Variants in PTPN14 observed in about 807,000 individuals in gnomAD.
PTPN14 encodes the protein tyrosine-protein phosphatase non-receptor type 14.
In PTPN14, 53 loss-of-function variants were observed where a neutral mutation model predicts 126.8. The observed-to-expected ratio is 0.42, with a 90% CI of 0.34 to 0.53. PTPN14 has a LOEUF of 0.53. PTPN14 is among the 20% of genes least tolerant of loss of function. The probability of loss-of-function intolerance (pLI) is 0.08; values close to 1 mark genes in which losing one functional copy is unlikely to be tolerated. For synonymous variants in PTPN14, 630 were observed against 599.3 expected (o/e 1.05, Z -0.75); for missense variants, 1,257 against 1,552.9 (o/e 0.81, Z 3.20).
chr1:214,364,806 TTTTAA>T lies in PTPN14; in HGVS notation c.3272-136_3272-132del. On this transcript the variant is annotated intron_variant, in intron 17 of 18. Coordinates refer to ENST00000366956, the MANE Select transcript of PTPN14 (RefSeq NM_005401.5). The surrounding 1 kb of genome is among the most constrained non-coding windows in gnomAD (Gnocchi z 4.1). ...GTGTGTGTGTGTGTGTGTGTGTGTG[TTTTAA>T]GTGACAATAATTTATAGTTCTTACA... 1.2e-6 allele frequency: 1 copy of T among 858,942 alleles called. No homozygotes were observed. The highest frequency in any genetic ancestry group is 1.7e-6 in the Non-Finnish European group (1 of 575,866). 53.2% of individuals were successfully genotyped at this position (858,942 alleles called of 1,614,324 possible).
At chr1:214,513,367 C>A (rs930914829) in intron 1 of PTPN14, among the ~76,000 whole-genome samples, 4 of 151,970 alleles carry the variant, frequency 2.6e-5, no homozygotes, top group African/African-American at 9.7e-5. Context: ...GCTCAGTGTT[C>A]TTTAAAAATT....
intron 1 of PTPN14, among the ~76,000 whole-genome samples, chr1:214,521,663 C>T (rs1038041973): frequency 2.6e-5 from 4 of 151,952 alleles, no homozygotes; most frequent in South Asian, 2.1e-4. Flanking sequence ...TGCAGTGAGC[C>T]GAGATAGCGC....
chr1:214,530,337 C>CTTTTTTTTTTTTTT (rs1219471589), intron 1 of PTPN14: 1 of 129,082 alleles, frequency 7.7e-6, no homozygotes, highest in African/African-American at 3.0e-5. Flanking sequence ...CTTTTCTTTT[C>CTTTTTTTTTTTTTT]TTTTTTTTTT....
intron 2 of PTPN14, among the ~76,000 whole-genome samples, chr1:214,459,522 T>C (rs1200585583): frequency 1.4e-5 from 2 of 138,670 alleles, no homozygotes; most frequent in Non-Finnish European, 3.0e-5. Context: ...CAAGCTGGAG[T>C]GCAGTGGCGC....
intron 18 of PTPN14, among the ~76,000 whole-genome samples, chr1:214,359,217 CTTTT>C (rs1055472030): frequency 7.1e-6 from 1 of 141,102 alleles, no homozygotes; most frequent in Non-Finnish European, 1.6e-5. Context: ...CACTTTTTTT[CTTTT>C]TTTTTTTTTT....
intron 14 of PTPN14, 31 bp downstream of exon 14, chr1:214,377,928 A>G: frequency 6.2e-7 from 1 of 1,602,160 alleles, no homozygotes; most frequent in Middle Eastern, 1.7e-4. Flanking sequence ...GACTACAGAG[A>G]ATGAGTCACA....
rs1400765231 is a variant in PTPN14 at position 214,383,260 on chromosome 1, G to A, written c.2544+51C>T. 1.3e-6 allele frequency: 2 copies of A among 1,573,314 alleles called. No individual in the cohort carries two copies. The highest frequency in any genetic ancestry group is 2.7e-5 in the African/African-American group (2 of 74,144). On this transcript the variant is annotated intron_variant, in intron 13 of 18. Transcript: ENST00000366956. This position sits in a 1 kb window ranked among gnomAD's most constrained non-coding sequence, Gnocchi z 4.4. ...AAGCCCTGCCCCTTGCTCAGTGCCT[G>A]AAGCATGTGCTTTCACACTGGAAAA...
chr1:214,404,066 T>C (rs1301817746), intron 5 of PTPN14, among the ~76,000 whole-genome samples: 1 of 152,194 alleles, frequency 6.6e-6, no homozygotes, highest in Non-Finnish European at 1.5e-5. Context: ...GATTCTAAAA[T>C]ACCACTTATA....
intron 3 of PTPN14, among the ~76,000 whole-genome samples, chr1:214,418,425 C>G (rs1659472763): frequency 1.3e-5 from 2 of 152,210 alleles, no homozygotes; most frequent in African/African-American, 4.8e-5. Context: ...GAGAAGGCAA[C>G]TGTGTTGAGG....
intron 1 of PTPN14, among the ~76,000 whole-genome samples, chr1:214,506,733 C>T (rs978695592): frequency 2.0e-5 from 3 of 152,192 alleles, no homozygotes; most frequent in Non-Finnish European, 2.9e-5. Context: ...ACATAACTGA[C>T]GCTGCACCCA....
Position 214,354,961 on chromosome 1 carries a change from T to C in PTPN14, c.*2961A>G, listed in dbSNP as rs1412289982. On this transcript the variant is annotated 3_prime_UTR_variant, in exon 19 of 19. Transcript: ENST00000366956. ...CAGATATAAAGCATCTCTGGGCAAT[T>C]ATTATGCAGATGCCACCGAAAGGAC... is the stretch of plus-strand genomic sequence containing the variant. 1 of 152,206 alleles carries C rather than the reference T, an allele frequency of 6.6e-6. No individual in the cohort carries two copies. Among genetic ancestry groups the C allele is most frequent in the Non-Finnish European group, 1.5e-5 (1 of 68,030 alleles). The allele number at this position is 152,206 out of a possible 1,614,324, so 9.4% of individuals were successfully genotyped here. A position where few individuals can be genotyped will look rare whatever the true frequency, so the allele number is the denominator to read the frequency against.
chr1:214,543,812 G>T (rs1457757863), intron 1 of PTPN14, among the ~76,000 whole-genome samples: 4 of 152,010 alleles, frequency 2.6e-5, no homozygotes, highest in Non-Finnish European at 1.5e-5. Flanking sequence ...AGAGACGGGG[G>T]TTATTACTAT....
intron 14 of PTPN14, among the ~76,000 whole-genome samples, chr1:214,377,249 T>C (rs1306601388): frequency 6.6e-6 from 1 of 152,230 alleles, no homozygotes; most frequent in African/African-American, 2.4e-5. Flanking sequence ...TGGAGGCTAT[T>C]ATCCTTAGCA....
chr1:214,454,878 CAG>C (rs1006821937), intron 2 of PTPN14, among the ~76,000 whole-genome samples: 46 of 152,086 alleles, frequency 3.0e-4, no homozygotes, highest in Admixed American at 6.5e-4. Context: ...ATCTGGAGGA[CAG>C]AGTTTGTATC....
chr1:214,524,114 T>G (rs1264622843), intron 1 of PTPN14, among the ~76,000 whole-genome samples: 2 of 151,976 alleles, frequency 1.3e-5, no homozygotes, highest in Non-Finnish European at 2.9e-5. Context: ...CCTCCCAAAG[T>G]GCTGGGATTA....
At chr1:214,525,563 AG>A (rs1459310344) in intron 1 of PTPN14, among the ~76,000 whole-genome samples, 4 of 152,244 alleles carry the variant, frequency 2.6e-5, no homozygotes, top group African/African-American at 9.6e-5. Flanking sequence ...TCTTCTGAAG[AG>A]TAAACAGCAC....
intron 8 of PTPN14, 99 bp from the exon 9 acceptor site, chr1:214,395,085 A>C (rs1658847609): frequency 4.0e-6 from 4 of 1,007,618 alleles, no homozygotes; most frequent in Non-Finnish European, 6.2e-6. Flanking sequence ...CTCATTTAAC[A>C]AACTATGATT....
intron 4 of PTPN14, among the ~76,000 whole-genome samples, chr1:214,413,788 C>T (rs1055808357): frequency 6.6e-6 from 1 of 152,166 alleles, no homozygotes; most frequent in Non-Finnish European, 1.5e-5. Context: ...CGTGCTCCAG[C>T]CTCCTGAGTA....
intron 3 of PTPN14, 51 bp from the exon 4 acceptor site, chr1:214,414,777 T>A: frequency 7.0e-7 from 1 of 1,430,186 alleles, no homozygotes. Flanking sequence ...ATACTTGGAA[T>A]ATATTCCCAC....
Sources: allele counts gnomAD v4.1 joint callset (sites outside exome capture counted in the v4.1 genomes callset), GRCh38; gene constraint gnomAD v4.1.1; non-coding constraint Gnocchi (gnomAD v3.1); transcripts MANE v1.5; gene names NCBI Gene and HGNC (gene_info 2026-07-23, HGNC 2026-07-21).